The following INTS8 variants were observed in gnomAD, a reference collection of about 807,000 sequenced individuals.
The protein encoded by INTS8 is protein kaonashi-1.
A neutral mutation model predicts 138.9 loss-of-function variants in INTS8; 47 were observed. The ratio of observed to expected loss-of-function variants is 0.34; its 90% CI spans 0.27 to 0.43. The LOEUF is 0.43. INTS8 is among the 20% of genes least tolerant of loss of function. The pLI is 1.00. For missense variants in INTS8, 996 were observed against 1,173.0 expected (o/e 0.85, Z 2.20); for synonymous variants, 392 against 400.9 (o/e 0.98, Z 0.27).
intron 1 of INTS8, among the ~76,000 whole-genome samples, chr8:94,824,055 A>G (rs767577955): frequency 1.3e-5 from 2 of 152,232 alleles, no homozygotes; most frequent in Non-Finnish European, 2.9e-5. Context: ...GTTGGGCTGT[A>G]AGTTAAAAGA....
chr8:94,873,493 GGGCT>G lies in INTS8; in HGVS notation c.2637+23_2637+26del. 6.5e-7 allele frequency: 1 copy of G among 1,545,616 alleles called. No individual in the cohort carries two copies. Among genetic ancestry groups the G allele is most frequent in the Non-Finnish European group, 8.9e-7 (1 of 1,118,062 alleles). On this transcript the variant is annotated intron_variant, in intron 22 of 26. Transcript: ENST00000523731. ...TACAGACCAGGTGAATTGTTTTCGT[GGGCT>G]GGCTGGTTTCTTGCCTACCTGTATA...
intron 14 of INTS8, 149 bp downstream of exon 14, chr8:94,854,064 C>CCA: frequency 9.9e-6 from 5 of 502,584 alleles, no homozygotes; most frequent in Non-Finnish European, 1.8e-5. Context: ...GTGAAACCTT[C>CCA]TCTCTACTAA....
At chr8:94,862,427 C>G (rs1816025289) in intron 16 of INTS8, among the ~76,000 whole-genome samples, 1 of 152,228 alleles carries the variant, frequency 6.6e-6, no homozygotes, top group East Asian at 1.9e-4. Flanking sequence ...GCAAAGACAG[C>G]ATAGTAACTC....
intron 5 of INTS8, among the ~76,000 whole-genome samples, chr8:94,830,222 A>G (rs143454442): frequency 1.3e-3 from 202 of 152,326 alleles, no homozygotes; most frequent in East Asian, 8.5e-3. Flanking sequence ...ATTGATCTAC[A>G]TAATGGAAAA....
chr8:94,842,595 T>C (rs1165478211), intron 10 of INTS8, 107 bp downstream of exon 10: 1 of 860,332 alleles, frequency 1.2e-6, no homozygotes, highest in East Asian at 2.6e-5. Context: ...GCCTTGCGTT[T>C]CTGTGCCTGA....
chr8:94,853,980 T>G, intron 14 of INTS8, 65 bp downstream of exon 14: 1 of 949,504 alleles, frequency 1.1e-6, no homozygotes, highest in Non-Finnish European at 1.7e-6. Context: ...CCGTGGCTCA[T>G]ACCTGTAATA....
At chr8:94,835,067 A>G (rs1204428191) in intron 6 of INTS8, among the ~76,000 whole-genome samples, 1 of 152,238 alleles carries the variant, frequency 6.6e-6, no homozygotes, top group Non-Finnish European at 1.5e-5. Flanking sequence ...TGAGATCCTT[A>G]CAGATCAGGC....
chr8:94,835,621 A>AC (rs1814896788), intron 6 of INTS8, among the ~76,000 whole-genome samples: 1 of 149,436 alleles, frequency 6.7e-6, no homozygotes, highest in Admixed American at 6.6e-5. Flanking sequence ...TTTTTTTGAG[A>AC]CAGAGTCTCG....
chr8:94,832,872 T>C (rs1205871942), intron 6 of INTS8, among the ~76,000 whole-genome samples: 1 of 152,162 alleles, frequency 6.6e-6, no homozygotes, highest in East Asian at 1.9e-4. Flanking sequence ...GCCAGCGTGG[T>C]CTAGATCTCC....
At chr8:94,859,653 A>G in intron 16 of INTS8, 21 bp downstream of exon 16, 1 of 1,568,670 alleles carries the variant, frequency 6.4e-7, no homozygotes, top group Non-Finnish European at 8.8e-7. Context: ...TTTAAATAAA[A>G]GGATTGTTAG....
At chr8:94,875,371 A>C (rs1234321270) in intron 23 of INTS8, among the ~76,000 whole-genome samples, 1 of 152,210 alleles carries the variant, frequency 6.6e-6, no homozygotes, top group Non-Finnish European at 1.5e-5. Context: ...AGCTAGACAC[A>C]AAAGGCTACA....
intron 21 of INTS8, among the ~76,000 whole-genome samples, chr8:94,872,737 A>G (rs1816441592): frequency 6.6e-6 from 1 of 152,166 alleles, no homozygotes; most frequent in South Asian, 2.1e-4. Flanking sequence ...TGCTTCTATT[A>G]CTCTACAGAT....
intron 2 of INTS8, among the ~76,000 whole-genome samples, chr8:94,826,093 G>A (rs1335487219): frequency 6.6e-6 from 1 of 152,130 alleles, no homozygotes; most frequent in Non-Finnish European, 1.5e-5. Context: ...CATAAAATAA[G>A]TTTATCTGTA....
intron 10 of INTS8, among the ~76,000 whole-genome samples, chr8:94,844,548 C>A (rs1563651192): frequency 6.6e-6 from 1 of 152,100 alleles, no homozygotes; most frequent in Non-Finnish European, 1.5e-5. Flanking sequence ...AACTCCTGAC[C>A]TCAAGTGATC....
intron 10 of INTS8, among the ~76,000 whole-genome samples, chr8:94,846,054 A>G (rs1461208517): frequency 2.0e-5 from 3 of 152,124 alleles, no homozygotes; most frequent in Admixed American, 1.3e-4. Context: ...TAATTTTTCC[A>G]TAGAAGTCTT....
intron 16 of INTS8, among the ~76,000 whole-genome samples, chr8:94,861,273 T>TTTTTTTTTTTTC: frequency 2.1e-5 from 2 of 93,956 alleles, no homozygotes; most frequent in Non-Finnish European, 4.3e-5. Flanking sequence ...TTTTTTTTTT[T>TTTTTTTTTTTTC]TTTTTTGAGA....
At chr8:94,853,964 C>T (rs759625567) in intron 14 of INTS8, 49 bp downstream of exon 14, 2 of 1,171,934 alleles carry the variant, frequency 1.7e-6, no homozygotes, top group Non-Finnish European at 2.6e-6. Context: ...GCTTTATGGT[C>T]AGGTGCCGTG....
At chr8:94,826,019 C>G (rs1040676345) in intron 2 of INTS8, among the ~76,000 whole-genome samples, 1 of 152,094 alleles carries the variant, frequency 6.6e-6, no homozygotes, top group Non-Finnish European at 1.5e-5. Context: ...CCTTAATTGA[C>G]AGTCATTTAG....
intron 21 of INTS8, among the ~76,000 whole-genome samples, chr8:94,872,419 A>G (rs1454181868): frequency 6.6e-6 from 1 of 152,178 alleles, no homozygotes; most frequent in Non-Finnish European, 1.5e-5. Context: ...TTTTTAGTAG[A>G]TACGGGTTTT....
Sources: allele counts gnomAD v4.1 joint callset (sites outside exome capture counted in the v4.1 genomes callset), GRCh38; gene constraint gnomAD v4.1.1; transcripts MANE v1.5; gene names NCBI Gene and HGNC (gene_info 2026-07-23, HGNC 2026-07-21).